The following RFX3 variants were observed in gnomAD, a reference collection of about 807,000 sequenced individuals.
RFX3 encodes regulatory factor X3.
In RFX3, 14 loss-of-function variants were observed where a neutral mutation model predicts 98.6. That is an observed-to-expected ratio of 0.14 (90% CI 0.09 to 0.22). The LOEUF is 0.22. Among genes scored for constraint, RFX3 ranks in the 10% least tolerant of loss-of-function variants. The probability of loss-of-function intolerance (pLI) is 1.00; values close to 1 mark genes in which losing one functional copy is unlikely to be tolerated. For synonymous variants in RFX3, 383 were observed against 328.4 expected, an observed-to-expected ratio of 1.17 and a Z score of -1.80; for missense variants, 639 against 926.9, an observed-to-expected ratio of 0.69 and a Z score of 4.03.
intron 1 of RFX3, among the ~76,000 whole-genome samples, chr9:3,515,540 G>C (rs574722690): frequency 1.1e-4 from 16 of 152,064 alleles, no homozygotes; most frequent in Non-Finnish European, 1.9e-4. Flanking sequence ...ATTAACTGGG[G>C]AAAATATGTA....
intron 13 of RFX3, among the ~76,000 whole-genome samples, chr9:3,261,208 T>G (rs1822845358): frequency 6.6e-6 from 1 of 152,074 alleles, no homozygotes; most frequent in Non-Finnish European, 1.5e-5. Context: ...TTTAGGATAT[T>G]CACAAAGTTG....
At chr9:3,412,163 T>G (rs1212300699) in intron 1 of RFX3, among the ~76,000 whole-genome samples, 1 of 152,170 alleles carries the variant, frequency 6.6e-6, no homozygotes, top group Non-Finnish European at 1.5e-5. Context: ...CTTTCCAAAG[T>G]ACAGTAGAAC....
At chr9:3,445,982 T>C (rs371212240) in intron 1 of RFX3, among the ~76,000 whole-genome samples, 8 of 152,162 alleles carry the variant, frequency 5.3e-5, no homozygotes, top group African/African-American at 1.7e-4. Flanking sequence ...CTTTTACATG[T>C]ACACCACTCT....
chr9:3,419,515 T>C (rs1843266418), intron 1 of RFX3, among the ~76,000 whole-genome samples: 1 of 152,238 alleles, frequency 6.6e-6, no homozygotes, highest in Non-Finnish European at 1.5e-5. Context: ...CAAATGAGCA[T>C]GAACCTGAAT....
At chr9:3,317,116 C>T (rs1468155575) in intron 4 of RFX3, among the ~76,000 whole-genome samples, 1 of 152,296 alleles carries the variant, frequency 6.6e-6, no homozygotes, top group East Asian at 1.9e-4. Flanking sequence ...TGACTTCAAA[C>T]TATACTACAA....
intron 15 of RFX3, among the ~76,000 whole-genome samples, chr9:3,241,746 TA>T (rs1435597489): frequency 1.3e-5 from 2 of 152,228 alleles, no homozygotes; most frequent in Non-Finnish European, 2.9e-5. Flanking sequence ...AGGATGGGTG[TA>T]CAGGAGCTGT....
chr9:3,308,640 G>C (rs1829609179), intron 4 of RFX3, among the ~76,000 whole-genome samples: 1 of 152,144 alleles, frequency 6.6e-6, no homozygotes, highest in Non-Finnish European at 1.5e-5. Context: ...ACGACAAAGT[G>C]CTATGGAACA....
intron 1 of RFX3, among the ~76,000 whole-genome samples, chr9:3,492,231 T>C (rs1175226618): frequency 6.6e-6 from 1 of 152,222 alleles, no homozygotes; most frequent in Non-Finnish European, 1.5e-5. Context: ...GGCTCCATAA[T>C]TCTCCTGAAA....
intron 1 of RFX3, among the ~76,000 whole-genome samples, chr9:3,410,161 CTGTGTGTGTGTGTGTGTG>C (rs555349379): frequency 5.3e-5 from 6 of 114,052 alleles, no homozygotes; most frequent in Non-Finnish European, 8.8e-5. Flanking sequence ...GTGAGATAAA[CTGTGTGTGTGTGTGTGTG>C]TGTGTGTGTG....
intron 1 of RFX3, among the ~76,000 whole-genome samples, chr9:3,490,870 T>C (rs999180750): frequency 3.9e-5 from 6 of 152,154 alleles, no homozygotes; most frequent in African/African-American, 1.4e-4. Context: ...ACAAGTTATT[T>C]TTAAACTAAT....
intron 1 of RFX3, among the ~76,000 whole-genome samples, chr9:3,426,159 T>C (rs934778279): frequency 6.6e-5 from 10 of 152,266 alleles, no homozygotes; most frequent in Non-Finnish European, 1.5e-4. Flanking sequence ...AAAGACAGTT[T>C]ATTGGCTCAT....
At chr9:3,347,445 T>TA (rs1834571819) in intron 2 of RFX3, among the ~76,000 whole-genome samples, 1 of 152,206 alleles carries the variant, frequency 6.6e-6, no homozygotes, top group South Asian at 2.1e-4. Context: ...CTCAAATATG[T>TA]AAAAAATCCT....
intron 1 of RFX3, among the ~76,000 whole-genome samples, chr9:3,411,358 T>TTTTA (rs1357367566): frequency 2.0e-5 from 3 of 152,034 alleles, no homozygotes; most frequent in Non-Finnish European, 2.9e-5. Flanking sequence ...CTCTCCTCTT[T>TTTTA]TTTATTTATT....
intron 4 of RFX3, among the ~76,000 whole-genome samples, chr9:3,317,879 C>T (rs1255680317): frequency 1.3e-5 from 2 of 152,158 alleles, no homozygotes; most frequent in South Asian, 2.1e-4. Flanking sequence ...ACAACAGGTG[C>T]TGGAGAGGAT....
chr9:3,304,539 A>T (rs1469461629), intron 4 of RFX3, among the ~76,000 whole-genome samples: 1 of 151,978 alleles, frequency 6.6e-6, no homozygotes, highest in African/African-American at 2.4e-5. Context: ...AGCTCCCACA[A>T]TTCTAACATG....
chr9:3,359,241 C>G (rs7048040), intron 2 of RFX3, among the ~76,000 whole-genome samples: 1 of 151,940 alleles, frequency 6.6e-6, no homozygotes, highest in African/African-American at 2.4e-5. Flanking sequence ...ACCAAAAAAG[C>G]GAAAGTATCT....
chr9:3,512,840 T>A (rs1004280099), intron 1 of RFX3, among the ~76,000 whole-genome samples: 1 of 152,104 alleles, frequency 6.6e-6, no homozygotes, highest in African/African-American at 2.4e-5. Context: ...ATCTTATTTT[T>A]ATCTTTATTT....
chr9:3,251,234 C>G (rs612198), intron 14 of RFX3, among the ~76,000 whole-genome samples: 2 of 152,054 alleles, frequency 1.3e-5, no homozygotes, highest in Admixed American at 1.3e-4. Context: ...AGTTAAATAG[C>G]CTATGGTAAA....
intron 13 of RFX3, among the ~76,000 whole-genome samples, chr9:3,261,493 C>T (rs982102195): frequency 2.6e-5 from 4 of 152,066 alleles, no homozygotes; most frequent in Admixed American, 6.5e-5. Context: ...CTTTTTATTG[C>T]CCAATAATAT....
Sources: gnomAD v4.1 joint callset for allele counts (sites outside exome capture counted in the v4.1 genomes callset) on GRCh38, gnomAD v4.1.1 for gene constraint, MANE v1.5 for transcripts, NCBI Gene and HGNC (gene_info 2026-07-23, HGNC 2026-07-21) for gene names.